Variants in BACH2 observed in about 807,000 individuals in gnomAD.
BACH2 encodes BACH transcriptional regulator 2.
Under a neutral mutation model 61.8 loss-of-function variants are expected in BACH2, and 5 were observed. The ratio of observed to expected loss-of-function variants is 0.08; its 90% CI spans 0.04 to 0.17. The LOEUF (loss-of-function observed/expected upper bound fraction) is 0.17. Among genes scored for constraint, BACH2 ranks in the 10% least tolerant of loss-of-function variants. The probability of loss-of-function intolerance (pLI) is 1.00; values close to 1 mark genes in which losing one functional copy is unlikely to be tolerated. For synonymous variants in BACH2, 446 were observed against 440.1 expected (o/e 1.01, Z -0.17); for missense variants, 824 against 1,091.1 (o/e 0.76, Z 3.45).
intron 1 of BACH2, among the ~76,000 whole-genome samples, chr6:90,281,702 T>C (rs951556799): frequency 6.6e-6 from 1 of 152,250 alleles, no homozygotes; most frequent in African/African-American, 2.4e-5. Context: ...TCTTTCCATA[T>C]TGTTTGTAAG....
chr6:89,948,811 A>C (rs1467822603), intron 7 of BACH2, among the ~76,000 whole-genome samples: 1 of 151,946 alleles, frequency 6.6e-6, no homozygotes. Flanking sequence ...ACAACCCACC[A>C]CCCCAAACCT....
Position 90,088,962 on chromosome 6 carries a change from T to C in BACH2, c.-14A>G, listed in dbSNP as rs768818781. The C allele has an allele frequency of 3.3e-5, 5 of 152,332 alleles. No homozygotes were observed. Among genetic ancestry groups the C allele is most frequent in the Non-Finnish European group, 5.9e-5 (4 of 68,044 alleles). 9.4% of individuals were successfully genotyped at this position (152,332 alleles called of 1,614,324 possible). A position where few individuals can be genotyped will look rare whatever the true frequency, so the allele number is the denominator to read the frequency against. ...AAATAAACCCTGGTCAAAACTTACA[T>C]GTAATTTTTCCAGGTCCTGTGCTGC... On this transcript the variant is annotated splice_region_variant and 5_prime_UTR_variant, in exon 5 of 9. An upstream start codon of the reference 5' UTR is lost. Coordinates refer to ENST00000257749, the MANE Select transcript of BACH2 (RefSeq NM_021813.4).
chr6:90,210,689 G>A (rs938000147), intron 3 of BACH2, among the ~76,000 whole-genome samples: 1 of 152,086 alleles, frequency 6.6e-6, no homozygotes, highest in African/African-American at 2.4e-5. Context: ...TTAAGAAGTT[G>A]GATTCCTCTA....
chr6:89,938,205 T>C lies in BACH2; in HGVS notation c.1982A>G (p.Gln661Arg). The C allele has an allele frequency of 6.2e-7, 1 of 1,614,248 alleles. No homozygotes were observed. Among genetic ancestry groups the C allele is most frequent in the Non-Finnish European group, 8.5e-7 (1 of 1,180,024 alleles). The part of the protein sequence containing the change: ...RRRSKNRIAA[Q>R]RCRKRKLDCI... ...GTCCAGTTTCCTTTTGCGGCAGCGC[T>C]GGGCCGCGATGCGGTTCTTGCTGCG... Residue 661 changes from glutamine (Q) to arginine (R), a missense_variant, in exon 8 of 9, where the codon CAG becomes CGG. Transcript: ENST00000257749.
intron 5 of BACH2, among the ~76,000 whole-genome samples, chr6:90,027,911 C>A (rs747841822): frequency 6.6e-6 from 1 of 152,186 alleles, no homozygotes; most frequent in Admixed American, 6.5e-5. Context: ...TGTAATTCTA[C>A]ATATGCTGAA....
At position 90,182,183 on chromosome 6, in the gene BACH2, GT is replaced by G. The variant is rs538910924; in HGVS notation, c.-162+24385del. The stretch of plus-strand genomic sequence containing the variant: ...ACATAATTTTAATCACCACTGCTAA[GT>G]AACTCTTATTGATTTGTTCTTCTCA... On this transcript the variant is annotated intron_variant, in intron 4 of 8. Coordinates refer to ENST00000257749, the MANE Select transcript of BACH2 (RefSeq NM_021813.4). Among the ~76,000 whole-genome samples the G allele has an allele frequency of 7.2e-5, 11 of 152,268 alleles. No homozygotes were observed. In the South Asian group the frequency reaches 2.3e-3, roughly 32 times the overall value.
At chr6:89,984,182 C>G (rs187192626) in intron 6 of BACH2, among the ~76,000 whole-genome samples, 51 of 152,216 alleles carry the variant, frequency 3.4e-4, no homozygotes, top group African/African-American at 1.1e-3. Flanking sequence ...TAATATCAAG[C>G]CCACTGCCCT....
At chr6:90,253,661 A>C (rs1404691026) in intron 2 of BACH2, among the ~76,000 whole-genome samples, 1 of 152,184 alleles carries the variant, frequency 6.6e-6, no homozygotes, top group Non-Finnish European at 1.5e-5. Context: ...TTCTCCAACC[A>C]AGCTAGTGAA....
rs1487807165 is a variant in BACH2, at chr6:90,233,252, C to CAT, written c.-275+19259_-275+19260dup. Among the ~76,000 whole-genome samples the CAT allele has an allele frequency of 6.6e-5, 10 of 152,320 alleles. No individual in the cohort carries two copies. In the South Asian group the frequency reaches 2.1e-3, roughly 32 times the overall value. On this transcript the variant is annotated intron_variant, in intron 3 of 8. Transcript: ENST00000257749. ...GACTTTGGCCAGACCCCAGAAGACA[C>CAT]ATAAGTTCCCTGTGGTAAAGTATTT...
chr6:89,941,513 C>A (rs539997830), intron 7 of BACH2, among the ~76,000 whole-genome samples: 69 of 152,342 alleles, frequency 4.5e-4, no homozygotes, highest in African/African-American at 1.5e-3. Context: ...GCAGCCAGGA[C>A]AAACAGTTCC....
intron 4 of BACH2, among the ~76,000 whole-genome samples, chr6:90,166,526 A>G (rs1767623935): frequency 6.6e-6 from 1 of 152,204 alleles, no homozygotes. Flanking sequence ...AACTAGAAAT[A>G]CCATTTGACC....
chr6:89,958,315 G>A (rs1052869344), intron 6 of BACH2, among the ~76,000 whole-genome samples: 1 of 152,126 alleles, frequency 6.6e-6, no homozygotes, highest in African/African-American at 2.4e-5. Context: ...GATGTGCTAG[G>A]CACTCACTGT....
rs181607285 is a variant in BACH2 at position 89,971,713 on chromosome 6, T to C, written c.244-19851A>G. On this transcript the variant is annotated intron_variant, in intron 6 of 8. Coordinates refer to ENST00000257749, the MANE Select transcript of BACH2 (RefSeq NM_021813.4). Reference sequence around the variant, plus strand: ...ATGAAGGAAGAGCAAAGGGACATCTTACATGGCCGCTGGCAAAGACAGAAT... The same window carrying C: ...ATGAAGGAAGAGCAAAGGGACATCTCACATGGCCGCTGGCAAAGACAGAAT... Among the ~76,000 whole-genome samples, 301 of 152,228 alleles carry C rather than the reference T, an allele frequency of 2.0e-3. 1 individual carries two copies. Among genetic ancestry groups the C allele is most frequent in the Admixed American group, 3.7e-3 (56 of 15,304 alleles).
intron 8 of BACH2, among the ~76,000 whole-genome samples, chr6:89,933,254 G>A (rs1772788719): frequency 6.6e-6 from 1 of 152,130 alleles, no homozygotes; most frequent in Non-Finnish European, 1.5e-5. Context: ...TCTTGTGACT[G>A]AAAATCTCCC....
intron 5 of BACH2, among the ~76,000 whole-genome samples, chr6:90,018,480 T>A (rs1778186147): frequency 6.6e-6 from 1 of 152,224 alleles, no homozygotes; most frequent in African/African-American, 2.4e-5. Context: ...TGATGTCCCA[T>A]GTCTTAAAAA....
chr6:89,939,656 CT>C (rs71298713), intron 7 of BACH2, among the ~76,000 whole-genome samples: 155 of 82,606 alleles, frequency 1.9e-3, no homozygotes, highest in African/African-American at 4.3e-3. Context: ...GCTTATATTT[CT>C]TTTTTTTTTT....
At position 90,070,691 on chromosome 6, in the gene BACH2, G is replaced by A. The variant is rs150157442; in HGVS notation, c.-13+18270C>T. On this transcript the variant is annotated intron_variant, in intron 5 of 8. Coordinates refer to ENST00000257749, the MANE Select transcript of BACH2 (RefSeq NM_021813.4). Reference sequence around the variant, plus strand: ...TAGCAGAGGTTCACTGTTACTAAATGAAGCCACAGGTTCCACTGTGGGCTA... The same window carrying A: ...TAGCAGAGGTTCACTGTTACTAAATAAAGCCACAGGTTCCACTGTGGGCTA... Among the ~76,000 whole-genome samples the A allele has an allele frequency of 2.0e-5, 3 of 152,310 alleles. No homozygotes were observed. In the East Asian group the frequency reaches 5.8e-4, roughly 29 times the overall value.
chr6:90,251,838 T>A (rs986773071), intron 3 of BACH2, among the ~76,000 whole-genome samples: 1 of 152,186 alleles, frequency 6.6e-6, no homozygotes, highest in African/African-American at 2.4e-5. Context: ...CAGGATGATA[T>A]GAGAACACTT....
intron 1 of BACH2, among the ~76,000 whole-genome samples, chr6:90,292,316 G>A (rs543402108): frequency 6.6e-6 from 1 of 152,338 alleles, no homozygotes; most frequent in African/African-American, 2.4e-5. Flanking sequence ...TCAGCACTGG[G>A]TCTGGCACAT....
Sources: gnomAD v4.1 joint callset for allele counts (sites outside exome capture counted in the v4.1 genomes callset) on GRCh38, gnomAD v4.1.1 for gene constraint, MANE v1.5 for transcripts, NCBI Gene and HGNC (gene_info 2026-07-23, HGNC 2026-07-21) for gene names.